The following ZNRF2 variants were observed in gnomAD, a reference collection of about 807,000 sequenced individuals.
The protein encoded by ZNRF2 is E3 ubiquitin-protein ligase ZNRF2.
ZNRF2 carries 16 observed loss-of-function variants against 20.4 expected under a neutral mutation model. That is an observed-to-expected ratio of 0.79 (90% CI 0.53 to 1.19). ZNRF2 has a LOEUF of 1.19. ZNRF2 is among the 50% of genes most tolerant of loss of function. The probability of loss-of-function intolerance (pLI) is 0.00; values close to 1 mark genes in which losing one functional copy is unlikely to be tolerated. For missense variants in ZNRF2, 363 were observed against 332.4 expected, an observed-to-expected ratio of 1.09 and a Z score of -0.72; for synonymous variants, 178 against 144.9, an observed-to-expected ratio of 1.23 and a Z score of -1.64.
chr7:30,317,992 G>A lies in ZNRF2; in HGVS notation c.470-5650G>A, dbSNP rs1259974769. Among the ~76,000 whole-genome samples, 4 of 152,232 alleles carry A rather than the reference G, an allele frequency of 2.6e-5. No individual in the cohort carries two copies. The East Asian group carries it at 7.7e-4, about 29-fold the overall frequency. On this transcript the variant is annotated intron_variant, in intron 1 of 4. Coordinates refer to ENST00000323037, the MANE Select transcript of ZNRF2 (RefSeq NM_147128.4). ...GTCATATTCATTGCATTTCTACGTA[G>A]GGGAGTGTTAAGCCTATTGATTATT... is the stretch of plus-strand genomic sequence containing the variant.
chr7:30,294,870 G>A (rs1798982425), intron 1 of ZNRF2, among the ~76,000 whole-genome samples: 1 of 152,016 alleles, frequency 6.6e-6, no homozygotes, highest in Admixed American at 6.6e-5. Flanking sequence ...ATAGCATTAA[G>A]TGGAAAAACT....
intron 2 of ZNRF2, among the ~76,000 whole-genome samples, chr7:30,335,166 T>G (rs1799697649): frequency 6.6e-6 from 1 of 152,202 alleles, no homozygotes; most frequent in African/African-American, 2.4e-5. Context: ...TATTTACTGA[T>G]TCTTAATTTA....
chr7:30,361,203 C>T (rs1350562984), intron 3 of ZNRF2, among the ~76,000 whole-genome samples: 1 of 152,192 alleles, frequency 6.6e-6, no homozygotes, highest in African/African-American at 2.4e-5. Context: ...CTGGTAGACA[C>T]AGTGGAACTT....
intron 1 of ZNRF2, among the ~76,000 whole-genome samples, chr7:30,294,894 A>G (rs1221268392): frequency 6.6e-6 from 1 of 151,932 alleles, no homozygotes; most frequent in African/African-American, 2.4e-5. Flanking sequence ...TATTGTTTCA[A>G]ATTATTGAAA....
intron 1 of ZNRF2, among the ~76,000 whole-genome samples, chr7:30,288,585 G>A (rs907746827): frequency 7.2e-4 from 109 of 152,312 alleles, no homozygotes; most frequent in African/African-American, 2.4e-3. Context: ...TTGGACATCT[G>A]TTTTGGCTAT....
At chr7:30,314,649 C>T (rs1242282336) in intron 1 of ZNRF2, among the ~76,000 whole-genome samples, 1 of 152,036 alleles carries the variant, frequency 6.6e-6, no homozygotes, top group African/African-American at 2.4e-5. Flanking sequence ...ATGCCAAAGA[C>T]ATAAAAATGT....
chr7:30,349,243 C>T (rs948363971), intron 2 of ZNRF2, among the ~76,000 whole-genome samples: 1 of 152,116 alleles, frequency 6.6e-6, no homozygotes, highest in African/African-American at 2.4e-5. Context: ...AAATGAGGCT[C>T]AAAGAGGTTT....
At chr7:30,355,291 T>C (rs2127956265) in intron 2 of ZNRF2, among the ~76,000 whole-genome samples, 1 of 152,224 alleles carries the variant, frequency 6.6e-6, no homozygotes, top group South Asian at 2.1e-4. Context: ...TTCTTGAACT[T>C]ACCCAATTTT....
chr7:30,296,216 GTAAAT>G (rs1338310541), intron 1 of ZNRF2, among the ~76,000 whole-genome samples: 2 of 152,172 alleles, frequency 1.3e-5, no homozygotes, highest in Non-Finnish European at 2.9e-5. Context: ...GTAAATATAG[GTAAAT>G]TAATTTTTGA....
chr7:30,367,622 G>A lies in ZNRF2; in HGVS notation c.*1610G>A, dbSNP rs1279353218. On this transcript the variant is annotated 3_prime_UTR_variant, in exon 5 of 5. Coordinates refer to ENST00000323037, the MANE Select transcript of ZNRF2 (RefSeq NM_147128.4). ...ATTTTTTAAAAGGGCAAGTACAGGA[G>A]CAACTGCTGCTACCCAGAAAAATGT... 2.6e-5 allele frequency: 4 copies of A among 152,046 alleles called. No homozygotes were observed. The East Asian group carries it at 5.8e-4, about 22-fold the overall frequency. The allele number at this position is 152,046 out of a possible 1,614,324, so 9.4% of individuals were successfully genotyped here. A position where few individuals can be genotyped will look rare whatever the true frequency, so the allele number is the denominator to read the frequency against.
chr7:30,329,196 G>A (rs1799597864), intron 2 of ZNRF2, among the ~76,000 whole-genome samples: 1 of 152,134 alleles, frequency 6.6e-6, no homozygotes, highest in Admixed American at 6.5e-5. Flanking sequence ...GGGTCCATGT[G>A]ATATTCAGAT....
intron 1 of ZNRF2, among the ~76,000 whole-genome samples, chr7:30,301,836 C>T (rs1799122136): frequency 6.6e-6 from 1 of 152,024 alleles, no homozygotes; most frequent in East Asian, 1.9e-4. Context: ...GGTCAGTAGC[C>T]TGGAGCAGGG....
At chr7:30,326,073 T>C (rs1285525156) in intron 2 of ZNRF2, among the ~76,000 whole-genome samples, 1 of 152,230 alleles carries the variant, frequency 6.6e-6, no homozygotes. Flanking sequence ...CTTAGTATTC[T>C]GTATGTTTAC....
chr7:30,287,478 A>G (rs1309752459), intron 1 of ZNRF2, among the ~76,000 whole-genome samples: 1 of 152,236 alleles, frequency 6.6e-6, no homozygotes, highest in Non-Finnish European at 1.5e-5. Context: ...CTAAGAGCTG[A>G]TAATTCCCTT....
chr7:30,338,791 A>G (rs1176924229), intron 2 of ZNRF2, among the ~76,000 whole-genome samples: 1 of 152,176 alleles, frequency 6.6e-6, no homozygotes, highest in Non-Finnish European at 1.5e-5. Flanking sequence ...GTATATACCA[A>G]GTAATGGGAT....
In ZNRF2 at chr7:30,284,886, G is replaced by A. The variant is rs1798742311; in HGVS notation, c.-472G>A. 1 of 238,286 alleles carries A rather than the reference G, an allele frequency of 4.2e-6. No homozygotes were observed. Among genetic ancestry groups the A allele is most frequent in the South Asian group, 3.2e-5 (1 of 31,010 alleles). 14.8% of individuals were successfully genotyped at this position (238,286 alleles called of 1,614,324 possible). Reference sequence around the variant, plus strand: ...GGGAAGGTGGCCCCGGCGGAGTCTGGGCGGGCGCCTCCCACTCAGCCGCCA... The same window carrying A: ...GGGAAGGTGGCCCCGGCGGAGTCTGAGCGGGCGCCTCCCACTCAGCCGCCA... On this transcript the variant is annotated 5_prime_UTR_variant, in exon 1 of 5. Coordinates refer to ENST00000323037, the MANE Select transcript of ZNRF2 (RefSeq NM_147128.4).
intron 1 of ZNRF2, among the ~76,000 whole-genome samples, chr7:30,298,532 T>G (rs7784495): frequency 6.6e-6 from 1 of 152,216 alleles, no homozygotes; most frequent in African/African-American, 2.4e-5. Flanking sequence ...TTGCCTGGAA[T>G]ACACAATCGT....
At chr7:30,365,731 A>G (rs903391659) in intron 4 of ZNRF2, among the ~76,000 whole-genome samples, 7 of 152,316 alleles carry the variant, frequency 4.6e-5, no homozygotes, top group African/African-American at 1.7e-4. Flanking sequence ...AAATAGAGAG[A>G]CATGAATATT....
chr7:30,342,672 A>G (rs1011106889), intron 2 of ZNRF2, among the ~76,000 whole-genome samples: 4 of 152,120 alleles, frequency 2.6e-5, no homozygotes, highest in South Asian at 2.1e-4. Flanking sequence ...TTCCTTAGGT[A>G]TGCGTTTTCT....
Sources: allele counts gnomAD v4.1 joint callset (sites outside exome capture counted in the v4.1 genomes callset), GRCh38; gene constraint gnomAD v4.1.1; transcripts MANE v1.5; gene names NCBI Gene and HGNC (gene_info 2026-07-23, HGNC 2026-07-21).